Variants in ZFHX3 observed in about 807,000 individuals in gnomAD.
ZFHX3 encodes the protein zinc finger homeobox protein 3.
A neutral mutation model predicts 279.1 loss-of-function variants in ZFHX3; 42 were observed. The observed-to-expected ratio is 0.15, with a 90% CI of 0.12 to 0.19. ZFHX3 has a LOEUF of 0.19. Ranked by LOEUF, ZFHX3 falls within the 10% of genes least tolerant of loss-of-function variation. The probability of loss-of-function intolerance (pLI) is 1.00; values close to 1 mark genes in which losing one functional copy is unlikely to be tolerated. For synonymous variants in ZFHX3, 2,293 were observed against 1,957.8 expected (o/e 1.17, Z -4.52); for missense variants, 4,981 against 4,754.0 (o/e 1.05, Z -1.40).
intron 1 of ZFHX3, among the ~76,000 whole-genome samples, chr16:73,846,743 A>G (rs1273014243): frequency 3.3e-5 from 5 of 152,246 alleles, no homozygotes; most frequent in Admixed American, 6.5e-5. Context: ...AAATCTTTCA[A>G]TGTTGGTGGA....
chr16:73,013,968 G>C (rs1047706695), intron 1 of ZFHX3, among the ~76,000 whole-genome samples: 1 of 152,156 alleles, frequency 6.6e-6, no homozygotes, highest in Non-Finnish European at 1.5e-5. Flanking sequence ...TTGCAGATGC[G>C]ATCAAGTGAA....
At chr16:73,260,746 A>G (rs1453292150) in intron 4 of ZFHX3, among the ~76,000 whole-genome samples, 3 of 126,802 alleles carry the variant, frequency 2.4e-5, no homozygotes, top group African/African-American at 9.1e-5. Flanking sequence ...GCTGGAGTGC[A>G]GTCTTGGCTC....
At chr16:73,105,338 T>C (rs923463895) in intron 7 of ZFHX3, among the ~76,000 whole-genome samples, 6 of 117,152 alleles carry the variant, frequency 5.1e-5, no homozygotes, top group African/African-American at 1.8e-4. Flanking sequence ...CACACACACG[T>C]GTGTATATAT....
At chr16:73,105,350 TATACACATATATATAC>T (rs1567389732) in intron 7 of ZFHX3, among the ~76,000 whole-genome samples, 4 of 119,090 alleles carry the variant, frequency 3.4e-5, no homozygotes, top group Non-Finnish European at 6.4e-5. Flanking sequence ...TGTATATATA[TATACACATATATATAC>T]ACACATATAT....
At chr16:72,881,110 C>G (rs975484300) in intron 4 of ZFHX3, among the ~76,000 whole-genome samples, 1 of 152,186 alleles carries the variant, frequency 6.6e-6, no homozygotes, top group African/African-American at 2.4e-5. Flanking sequence ...TGAGGAAACC[C>G]AGTGAGGAGG....
intron 3 of ZFHX3, among the ~76,000 whole-genome samples, chr16:72,946,532 G>C (rs1385799423): frequency 1.3e-5 from 2 of 152,196 alleles, no homozygotes; most frequent in African/African-American, 4.8e-5. Context: ...CTGGGAGATG[G>C]TGGGAGTGTG....
At chr16:73,798,624 C>G (rs183319156) in intron 1 of ZFHX3, among the ~76,000 whole-genome samples, 24 of 152,222 alleles carry the variant, frequency 1.6e-4, no homozygotes, top group Admixed American at 3.3e-4. Flanking sequence ...GTGGGAATAG[C>G]TTGTCTGAAG....
chr16:73,617,170 A>G (rs2052313488), intron 2 of ZFHX3, among the ~76,000 whole-genome samples: 1 of 152,232 alleles, frequency 6.6e-6, no homozygotes, highest in African/African-American at 2.4e-5. Flanking sequence ...AAGGTACAGA[A>G]GTCCTGCAAC....
chr16:73,835,483 T>C (rs1386600994), intron 1 of ZFHX3, among the ~76,000 whole-genome samples: 2 of 141,952 alleles, frequency 1.4e-5, no homozygotes, highest in Admixed American at 1.4e-4. Flanking sequence ...TTTTTTTTTT[T>C]TTTTGAGATG....
At chr16:73,082,123 C>T (rs1567659081) in intron 8 of ZFHX3, among the ~76,000 whole-genome samples, 1 of 152,064 alleles carries the variant, frequency 6.6e-6, no homozygotes, top group Non-Finnish European at 1.5e-5. Context: ...AGGTGTGAGC[C>T]ACCGCATCCA....
intron 2 of ZFHX3, among the ~76,000 whole-genome samples, chr16:73,649,574 T>C (rs976887149): frequency 2.0e-5 from 3 of 152,268 alleles, no homozygotes; most frequent in Non-Finnish European, 2.9e-5. Context: ...TGAATATGTA[T>C]GAGTTTTATA....
intron 5 of ZFHX3, among the ~76,000 whole-genome samples, chr16:73,210,729 C>A (rs2011982008): frequency 6.6e-6 from 1 of 152,168 alleles, no homozygotes; most frequent in Non-Finnish European, 1.5e-5. Context: ...CACAATTAAT[C>A]CTCTCTCAGA....
chr16:73,532,794 T>A (rs535379080), intron 2 of ZFHX3, among the ~76,000 whole-genome samples: 2 of 152,214 alleles, frequency 1.3e-5, no homozygotes, highest in African/African-American at 4.8e-5. Flanking sequence ...GTGGAGATAA[T>A]TGAATCATGG....
chr16:72,917,370 T>C (rs997469393), intron 3 of ZFHX3, among the ~76,000 whole-genome samples: 6 of 152,286 alleles, frequency 3.9e-5, no homozygotes, highest in African/African-American at 9.6e-5. Context: ...GGGGGAAAGG[T>C]AGACAGTAAC....
Position 73,517,220 on chromosome 16 carries a change from C to G in ZFHX3, c.-1546-60962G>C, listed in dbSNP as rs1022170175. On this transcript the variant is annotated intron_variant, in intron 2 of 17. Coordinates refer to the ZFHX3 transcript ENST00000641206. The stretch of plus-strand genomic sequence containing the variant: ...CCTTCAACCAGAAGCTTCCTGTGGA[C>G]TACTAAATTCCAAAGCAATCTAGGC... Among the ~76,000 whole-genome samples the G allele has an allele frequency of 3.3e-5, 5 of 152,316 alleles. 1 individual carries two copies. Among genetic ancestry groups the G allele is most frequent in the Non-Finnish European group, 1.5e-5 (1 of 68,026 alleles).
At chr16:73,815,385 GCAGGA>G (rs1357048711) in intron 1 of ZFHX3, among the ~76,000 whole-genome samples, 3 of 152,094 alleles carry the variant, frequency 2.0e-5, no homozygotes, top group Non-Finnish European at 4.4e-5. Context: ...AAAACCCCAT[GCAGGA>G]TATGGCCCCT....
intron 3 of ZFHX3, among the ~76,000 whole-genome samples, chr16:72,925,093 C>T (rs991567215): frequency 2.1e-4 from 32 of 152,222 alleles, no homozygotes; most frequent in African/African-American, 7.2e-4. Context: ...GCCAGTGATA[C>T]CTGGATACAT....
intron 1 of ZFHX3, among the ~76,000 whole-genome samples, chr16:73,856,721 T>A (rs866718936): frequency 2.0e-5 from 3 of 152,182 alleles, no homozygotes. Context: ...ATCAGGAATG[T>A]TCCCACCCTT....
At chr16:73,105,115 T>C (rs1966278755) in intron 7 of ZFHX3, among the ~76,000 whole-genome samples, 1 of 152,032 alleles carries the variant, frequency 6.6e-6, no homozygotes, top group South Asian at 2.1e-4. Flanking sequence ...AGTCAGTTTT[T>C]TGTTGCTGGG....
Sources: gnomAD v4.1 joint callset for allele counts (sites outside exome capture counted in the v4.1 genomes callset) on GRCh38, gnomAD v4.1.1 for gene constraint, MANE v1.5 for transcripts, NCBI Gene and HGNC (gene_info 2026-07-23, HGNC 2026-07-21) for gene names.